The following CACNA2D4 variants were observed in gnomAD, a reference collection of about 807,000 sequenced individuals.
The protein encoded by CACNA2D4 is calcium voltage-gated channel auxiliary subunit alpha2delta 4, also known as voltage-dependent calcium channel subunit alpha-2/delta-4.
Under a neutral mutation model 163.8 loss-of-function variants are expected in CACNA2D4, and 157 were observed. The observed-to-expected ratio is 0.96, with a 90% CI of 0.84 to 1.09. The LOEUF is 1.09. Ranked by LOEUF, CACNA2D4 falls within the 50% of genes least tolerant of loss-of-function variation. The probability of loss-of-function intolerance (pLI) is 0.00; values close to 1 mark genes in which losing one functional copy is unlikely to be tolerated. For synonymous variants in CACNA2D4, 598 were observed against 586.9 expected, an observed-to-expected ratio of 1.02 and a Z score of -0.27; for missense variants, 1,410 against 1,479.9, an observed-to-expected ratio of 0.95 and a Z score of 0.78.
At position 1,854,050 on chromosome 12, in the gene CACNA2D4, T is replaced by C. The variant is rs774243157; in HGVS notation, c.2153-6A>G. 2 of 1,604,082 alleles carry C rather than the reference T, an allele frequency of 1.2e-6. No individual in the cohort carries two copies. Among genetic ancestry groups the C allele is most frequent in the Non-Finnish European group, 8.5e-7 (1 of 1,174,304 alleles). ...CCGGACCAGCTCCTCGTCACCTGGG[T>C]GCAAAACATCAGGGAACCAGGCCAC... On this transcript the variant is annotated splice_region_variant and splice_polypyrimidine_tract_variant and intron_variant, in intron 22 of 37. Coordinates refer to ENST00000382722, the MANE Select transcript of CACNA2D4 (RefSeq NM_172364.5).
At chr12:1,900,383 A>G (rs1257866488) in intron 6 of CACNA2D4, among the ~76,000 whole-genome samples, 1 of 152,110 alleles carries the variant, frequency 6.6e-6, no homozygotes, top group Non-Finnish European at 1.5e-5. Flanking sequence ...AATCCTCCTG[A>G]CTTGACCTCC....
chr12:1,808,636 A>G (rs533012574), intron 29 of CACNA2D4, among the ~76,000 whole-genome samples: 1 of 152,200 alleles, frequency 6.6e-6, no homozygotes, highest in Admixed American at 6.5e-5. Flanking sequence ...CTCCCATCCC[A>G]GTGTCCAGGA....
intron 26 of CACNA2D4, among the ~76,000 whole-genome samples, chr12:1,825,474 G>C (rs1456754945): frequency 6.6e-6 from 1 of 152,246 alleles, no homozygotes; most frequent in Non-Finnish European, 1.5e-5. Context: ...CTAGACCTTA[G>C]TTCCAGGCTG....
chr12:1,838,401 C>T (rs989951119), intron 26 of CACNA2D4, among the ~76,000 whole-genome samples: 12 of 152,196 alleles, frequency 7.9e-5, no homozygotes, highest in African/African-American at 2.9e-4. Flanking sequence ...CAGTGCCAGC[C>T]GTTTCCAGGG....
chr12:1,808,055 T>TTCA (rs35467437), intron 29 of CACNA2D4, among the ~76,000 whole-genome samples: 75,175 of 151,550 alleles, frequency 0.5, 22,113 homozygotes, highest in Non-Finnish European at 0.66. Context: ...AAACTTGTTC[T>TTCA]CAGTGATTTT....
intron 26 of CACNA2D4, among the ~76,000 whole-genome samples, chr12:1,830,195 C>T (rs1387483385): frequency 6.6e-6 from 1 of 152,218 alleles, no homozygotes; most frequent in East Asian, 1.9e-4. Flanking sequence ...TGTCCTGGGC[C>T]CCATGACTTG....
At position 1,886,997 on chromosome 12, in the gene CACNA2D4, G is replaced by A. The variant is rs748811703; in HGVS notation, c.842+12C>T. On this transcript the variant is annotated intron_variant, in intron 7 of 37. Transcript: ENST00000382722. Reference sequence around the variant, plus strand: ...TACCCGGGCCGCAAACCTTTCCCCTGTGAGCTCTTACCAGCCGCGGTTTCG... The same window carrying A: ...TACCCGGGCCGCAAACCTTTCCCCTATGAGCTCTTACCAGCCGCGGTTTCG... 5.1e-6 allele frequency: 8 copies of A among 1,576,482 alleles called. 1 individual carries two copies. The highest frequency in any genetic ancestry group is 4.6e-5 in the South Asian group (4 of 87,420).
At position 1,829,320 on chromosome 12, in the gene CACNA2D4, AGAATGCT is replaced by A. The variant is rs1229522830; in HGVS notation, c.2551+11412_2551+11418del. Among the ~76,000 whole-genome samples, 1 of 152,130 alleles carries A rather than the reference AGAATGCT, an allele frequency of 6.6e-6. No homozygotes were observed. Among genetic ancestry groups the A allele is most frequent in the East Asian group, 1.9e-4 (1 of 5,170 alleles). On this transcript the variant is annotated intron_variant, in intron 26 of 37. Transcript: ENST00000382722. This position sits in a 1 kb window ranked among gnomAD's most constrained non-coding sequence, Gnocchi z 4.2. The stretch of plus-strand genomic sequence containing the variant: ...ATTTCCTGGGGAAAGTCAAGTCTGA[AGAATGCT>A]GATTTTCAAATGGCTTGGGGTGGTG...
Position 1,886,216 on chromosome 12 carries a change from C to T in CACNA2D4, c.993+7G>A, listed in dbSNP as rs759226727. On this transcript the variant is annotated splice_region_variant and intron_variant, in intron 8 of 37. Coordinates refer to ENST00000382722, the MANE Select transcript of CACNA2D4 (RefSeq NM_172364.5). ...AGAGCTATTCTAGAACAGGAAGGCA[C>T]ATTTACCGCTATGATATTAATGAAG... The T allele has an allele frequency of 2.0e-5, 32 of 1,612,282 alleles. No individual in the cohort carries two copies. The highest frequency in any genetic ancestry group is 1.3e-4 in the Admixed American group (8 of 59,996).
In CACNA2D4 at chr12:1,799,531, C is replaced by T; in HGVS notation, c.2995+144G>A. 1 of 864,460 alleles carries T rather than the reference C, an allele frequency of 1.2e-6. No homozygotes were observed. The highest frequency in any genetic ancestry group is 2.7e-5 in the East Asian group (1 of 37,494). 53.5% of individuals were successfully genotyped at this position (864,460 alleles called of 1,614,324 possible). A position where few individuals can be genotyped will look rare whatever the true frequency, so the allele number is the denominator to read the frequency against. On this transcript the variant is annotated intron_variant, in intron 34 of 37. Coordinates refer to ENST00000382722, the MANE Select transcript of CACNA2D4 (RefSeq NM_172364.5). This position sits in a 1 kb window ranked among gnomAD's most constrained non-coding sequence, Gnocchi z 4.7. ...GGGCTAGACTCCCCAGTCCCCCAAC[C>T]CCCAGGAATGGTACTTTAAACCAGG...
At chr12:1,879,205 A>G (rs1242845143) in intron 14 of CACNA2D4, among the ~76,000 whole-genome samples, 169 bp from the exon 15 acceptor site, 1 of 152,200 alleles carries the variant, frequency 6.6e-6, no homozygotes, top group Non-Finnish European at 1.5e-5. Flanking sequence ...ACTCTATCAG[A>G]CGAGGTCCCA....
intron 26 of CACNA2D4, among the ~76,000 whole-genome samples, chr12:1,839,368 C>T (rs1215801388): frequency 6.6e-6 from 1 of 152,182 alleles, no homozygotes; most frequent in Non-Finnish European, 1.5e-5. Flanking sequence ...GGGACCTGAT[C>T]GTTCTCAGAC....
chr12:1,888,144 A>G (rs1013716105), intron 6 of CACNA2D4, among the ~76,000 whole-genome samples: 3 of 152,198 alleles, frequency 2.0e-5, no homozygotes, highest in South Asian at 4.1e-4. Flanking sequence ...GCAGGCAGTC[A>G]TGGGAGGTAG....
intron 26 of CACNA2D4, chr12:1,835,834 C>T (rs547316854): frequency 6.5e-6 from 1 of 152,814 alleles, no homozygotes; most frequent in East Asian, 1.9e-4. Context: ...CCCACTGATT[C>T]CTCCACAGCC....
In CACNA2D4 at chr12:1,838,264, C is replaced by T. The variant is rs568420831; in HGVS notation, c.2551+2475G>A. On this transcript the variant is annotated intron_variant, in intron 26 of 37. Coordinates refer to ENST00000382722, the MANE Select transcript of CACNA2D4 (RefSeq NM_172364.5). Reference sequence around the variant, plus strand: ...TTATACACGGCAGTGACGCGCAGCCCGCCACTGCCCCCGTGGCTGGGCTGA... The same window carrying T: ...TTATACACGGCAGTGACGCGCAGCCTGCCACTGCCCCCGTGGCTGGGCTGA... 4.1e-4 allele frequency among the ~76,000 whole-genome samples: 63 copies of T among 152,304 alleles called. No individual in the cohort carries two copies. The South Asian group carries it at 5.4e-3, about 13-fold the overall frequency.
At position 1,917,976 on chromosome 12, in the gene CACNA2D4, G is replaced by T. The variant is rs1867034745; in HGVS notation, c.227+271C>A. The T allele has an allele frequency of 2.5e-6, 1 of 405,396 alleles. No individual in the cohort carries two copies. The highest frequency in any genetic ancestry group is 2.1e-5 in the African/African-American group (1 of 47,086). 25.1% of individuals were successfully genotyped at this position (405,396 alleles called of 1,614,324 possible). ...AGCTGCTTGTCAGGCCAGGAAGACA[G>T]CAGCCCTGATGATCAGTTCTTCCTA... On this transcript the variant is annotated intron_variant, in intron 1 of 37. Transcript: ENST00000382722. This position sits in a 1 kb window ranked among gnomAD's most constrained non-coding sequence, Gnocchi z 4.3.
In CACNA2D4 at chr12:1,844,228, A is replaced by G. The variant is rs1435300195; in HGVS notation, c.2470+174T>C. ...GGACCTGTGGTGTGGGAAGGTGCCA[A>G]TGAGCTTTTTTAAGTCACTAATGCA... is the stretch of plus-strand genomic sequence containing the variant. On this transcript the variant is annotated intron_variant, in intron 25 of 37. Transcript: ENST00000382722. This position sits in a 1 kb window ranked among gnomAD's most constrained non-coding sequence, Gnocchi z 4.2. 1.3e-5 allele frequency among the ~76,000 whole-genome samples: 2 copies of G among 152,138 alleles called. No individual in the cohort carries two copies. The highest frequency in any genetic ancestry group is 2.9e-5 in the Non-Finnish European group (2 of 68,030).
At chr12:1,831,993 T>A in intron 26 of CACNA2D4, among the ~76,000 whole-genome samples, 1 of 152,232 alleles carries the variant, frequency 6.6e-6, no homozygotes, top group East Asian at 1.9e-4. Flanking sequence ...GGGAATAGAA[T>A]GAATCCTCAG....
In CACNA2D4 at chr12:1,910,553, C is replaced by CT. The variant is rs527780542; in HGVS notation, c.427-589dup. ...CTAAAATGGCTCTTAAAAATAAAGTCTACTAAAATATGCGTGCGTGCCAAA... is the reference window on the plus strand; with the variant it reads ...CTAAAATGGCTCTTAAAAATAAAGTCTTACTAAAATATGCGTGCGTGCCAAA... On this transcript the variant is annotated intron_variant, in intron 3 of 37. Coordinates refer to ENST00000382722, the MANE Select transcript of CACNA2D4 (RefSeq NM_172364.5). Among the ~76,000 whole-genome samples, 64 of 152,290 alleles carry CT rather than the reference C, an allele frequency of 4.2e-4. 1 individual carries two copies. The highest frequency in any genetic ancestry group is 2.9e-3 in the Admixed American group (44 of 15,302).
Sources: allele counts gnomAD v4.1 joint callset (sites outside exome capture counted in the v4.1 genomes callset), GRCh38; gene constraint gnomAD v4.1.1; non-coding constraint Gnocchi (gnomAD v3.1); transcripts MANE v1.5; gene names NCBI Gene and HGNC (gene_info 2026-07-23, HGNC 2026-07-21).